The following ZNF567 variants were observed in gnomAD, a reference collection of about 807,000 sequenced individuals.
The protein encoded by ZNF567 is zinc finger protein 567.
Under a neutral mutation model 53.9 loss-of-function variants are expected in ZNF567, and 36 were observed. The observed-to-expected ratio is 0.67, with a 90% confidence interval of 0.51 to 0.88. The LOEUF (loss-of-function observed/expected upper bound fraction) is 0.88, where lower values mean the gene tolerates loss of function less well. Ranked by LOEUF, ZNF567 falls within the 40% of genes least tolerant of loss-of-function variation. The pLI, the probability that ZNF567 is intolerant of heterozygous loss-of-function variation, is 0.00. For missense variants in ZNF567, 619 were observed against 764.7 expected, an observed-to-expected ratio of 0.81 and a Z score of 2.25; for synonymous variants, 224 against 260.4, an observed-to-expected ratio of 0.86 and a Z score of 1.35.
At chr19:36,690,176 G>A (rs2038523734) in intron 2 of ZNF567, among the ~76,000 whole-genome samples, 1 of 152,122 alleles carries the variant, frequency 6.6e-6, no homozygotes, top group South Asian at 2.1e-4. Context: ...AATAAATAGG[G>A]GGTGTGTGTG....
chr19:36,707,742 T>C (rs2039570281), intron 3 of ZNF567, among the ~76,000 whole-genome samples: 1 of 151,880 alleles, frequency 6.6e-6, no homozygotes, highest in Admixed American at 6.5e-5. Flanking sequence ...CATGCCCGGC[T>C]AATTTTTGTA....
downstream of ZNF567, among the ~76,000 whole-genome samples, chr19:36,725,267 A>G (rs1353256948): frequency 6.6e-6 from 1 of 151,136 alleles, no homozygotes; most frequent in Non-Finnish European, 1.5e-5. Context: ...CAGTGGTGTG[A>G]TCTCGGCTCA....
At position 36,712,524 on chromosome 19, in the gene ZNF567, C is replaced by G. The variant is rs2039842434; in HGVS notation, c.136+12C>G. The G allele has an allele frequency of 6.2e-7, 1 of 1,613,858 alleles. No individual in the cohort carries two copies. Among genetic ancestry groups the G allele is most frequent in the South Asian group, 1.1e-5 (1 of 91,058 alleles). On this transcript the variant is annotated intron_variant, in intron 4 of 5. Transcript: ENST00000682579. ...CCTCATCTCTGTGGGTAAGAAAAATCCTCTTTGAAACTTTAGTAGCATGCA... is the reference window on the plus strand; with the variant it reads ...CCTCATCTCTGTGGGTAAGAAAAATGCTCTTTGAAACTTTAGTAGCATGCA...
chr19:36,708,140 T>G (rs1014887134), intron 3 of ZNF567, among the ~76,000 whole-genome samples: 1 of 152,104 alleles, frequency 6.6e-6, no homozygotes, highest in African/African-American at 2.4e-5. Flanking sequence ...TCTTCCTGTC[T>G]CAGCTTCCCA....
chr19:36,727,010 C>CTTTCTTTCTTTCTTTCTTTCTTT (rs1555809300), downstream of ZNF567: 39 of 123,894 alleles, frequency 3.1e-4, no homozygotes, highest in Admixed American at 4.2e-4. Flanking sequence ...TTCTTTCTTT[C>CTTTCTTTCTTTCTTTCTTTCTTT]CTTTTTTTTT....
the ZNF567 span, among the ~76,000 whole-genome samples, chr19:36,681,594 AT>A: frequency 0.16 from 23,833 of 151,580 alleles, 2,300 homozygotes; most frequent in Non-Finnish European, 0.22. Flanking sequence ...CACCCAGCTA[AT>A]TTTTTGTATT....
chr19:36,721,635 T>A (rs1207992210), downstream of ZNF567, among the ~76,000 whole-genome samples: 1 of 152,130 alleles, frequency 6.6e-6, no homozygotes, highest in Non-Finnish European at 1.5e-5. Context: ...AGCCATAGCT[T>A]ATTACACCTT....
At chr19:36,681,138 C>A in the ZNF567 span, among the ~76,000 whole-genome samples, 3 of 152,048 alleles carry the variant, frequency 2.0e-5, no homozygotes, top group African/African-American at 7.2e-5. Flanking sequence ...TATTCCCCCT[C>A]TCCCCCTGCC....
intron 1 of ZNF567, among the ~76,000 whole-genome samples, chr19:36,688,868 G>C (rs2038423676): frequency 6.6e-6 from 1 of 151,558 alleles, no homozygotes; most frequent in South Asian, 2.1e-4. Context: ...CAGCACTTTG[G>C]GAGGCTGGGG....
chr19:36,721,397 T>C (rs145744554), downstream of ZNF567: 58 of 152,350 alleles, frequency 3.8e-4, no homozygotes, highest in Non-Finnish European at 6.0e-4. Flanking sequence ...ACTGGACTTA[T>C]TCATTCCAAG....
intron 2 of ZNF567, among the ~76,000 whole-genome samples, chr19:36,689,987 A>T (rs574289262): frequency 2.6e-5 from 4 of 152,302 alleles, no homozygotes; most frequent in African/African-American, 9.6e-5. Context: ...AAAATTTTAC[A>T]CTCAACAGCT....
Position 36,720,630 on chromosome 19 carries a change from C to A in ZNF567, c.1906C>A (p.Gln636Lys). 1 of 1,568,038 alleles carries A rather than the reference C, an allele frequency of 6.4e-7. No individual in the cohort carries two copies. Among genetic ancestry groups the A allele is most frequent in the South Asian group, 1.2e-5 (1 of 82,438 alleles). ...TTATAAGAGAAACCTCATTGTCCATCAAAGAACTCACAAGGGAGAAAACAT... is the reference window on the plus strand; with the variant it reads ...TTATAAGAGAAACCTCATTGTCCATAAAAGAACTCACAAGGGAGAAAACAT... ...FSYKRNLIVH[Q>K]RTHKGENIEM... is the part of the protein sequence containing the mutation. The change falls in exon 6 of 6, where the codon CAA (glutamine) becomes AAA (lysine). Residue 636 changes from glutamine to lysine, a missense_variant. By Grantham distance (53) the Gln-to-Lys change is moderately conservative. Transcript: ENST00000682579.
At chr19:36,717,376 A>C (rs1337277161) in intron 5 of ZNF567, among the ~76,000 whole-genome samples, 1 of 152,168 alleles carries the variant, frequency 6.6e-6, no homozygotes, top group Non-Finnish European at 1.5e-5. Flanking sequence ...CTAAAGATAA[A>C]TAGAAATAAA....
the ZNF567 span, among the ~76,000 whole-genome samples, chr19:36,675,824 G>A: frequency 3.9e-5 from 6 of 152,256 alleles, no homozygotes; most frequent in African/African-American, 1.4e-4. Flanking sequence ...ACTCCAGACT[G>A]GGTGACAGAG....
chr19:36,721,990 G>A (rs2040309364), downstream of ZNF567, among the ~76,000 whole-genome samples: 1 of 151,982 alleles, frequency 6.6e-6, no homozygotes, highest in Non-Finnish European at 1.5e-5. Context: ...TGATCCGCCT[G>A]CCTCGGCCTC....
the ZNF567 span, among the ~76,000 whole-genome samples, chr19:36,677,458 CAAAAAAAAAAAAAA>C: frequency 7.9e-5 from 4 of 50,912 alleles, 1 homozygote; most frequent in African/African-American, 6.6e-5. Context: ...GACTCTGTCT[CAAAAAAAAAAAAAA>C]AAAAAAAAAA....
the ZNF567 span, among the ~76,000 whole-genome samples, chr19:36,671,012 G>A: frequency 2.0e-4 from 30 of 152,348 alleles, no homozygotes; most frequent in Admixed American, 5.2e-4. Flanking sequence ...TGAGGCAGGA[G>A]AATTGCTTGA....
chr19:36,723,524 T>G (rs1439020257), downstream of ZNF567, among the ~76,000 whole-genome samples: 1 of 152,144 alleles, frequency 6.6e-6, no homozygotes, highest in Non-Finnish European at 1.5e-5. Context: ...ACGGGCAGTT[T>G]TATAAATGGC....
intron 5 of ZNF567, among the ~76,000 whole-genome samples, chr19:36,716,688 A>G (rs1170331268): frequency 1.3e-5 from 2 of 152,158 alleles, no homozygotes; most frequent in African/African-American, 4.8e-5. Flanking sequence ...TGTAAGGGAG[A>G]TATCTTTTCA....
Sources: allele counts gnomAD v4.1 joint callset (sites outside exome capture counted in the v4.1 genomes callset), GRCh38; gene constraint gnomAD v4.1.1; transcripts MANE v1.5; gene names NCBI Gene and HGNC (gene_info 2026-07-23, HGNC 2026-07-21).